Variants in CSMD1 observed in about 807,000 individuals in gnomAD.
CSMD1 encodes the protein CUB and Sushi multiple domains 1.
Under a neutral mutation model 417.5 loss-of-function variants are expected in CSMD1, and 213 were observed. That is an observed-to-expected ratio of 0.51 (90% confidence interval 0.46 to 0.57). The LOEUF is 0.57. Ranked by LOEUF, CSMD1 falls within the 20% of genes least tolerant of loss-of-function variation. CSMD1 has a pLI of 0.00. For synonymous variants in CSMD1, 2,862 were observed against 1,736.8 expected, an observed-to-expected ratio of 1.65 and a Z score of -16.11; for missense variants, 6,923 against 4,529.7, an observed-to-expected ratio of 1.53 and a Z score of -15.17.
chr8:2,979,638 G>T (rs987075795), intron 54 of CSMD1, among the ~76,000 whole-genome samples: 2 of 152,190 alleles, frequency 1.3e-5, no homozygotes, highest in Non-Finnish European at 2.9e-5. Context: ...CACATCATGA[G>T]TCCCAGAAGC....
chr8:2,938,364 T>C lies in CSMD1; in HGVS notation c.*221A>G, dbSNP rs1378912209. ...ATTTCATACAGATGCAGCCAGGCAT[T>C]TAGAACCCACTTTTGGAATGAAAAC... On this transcript the variant is annotated 3_prime_UTR_variant, in exon 70 of 70. Transcript: ENST00000635120. The C allele has an allele frequency of 4.2e-6, 2 of 475,650 alleles. No individual in the cohort carries two copies. Among genetic ancestry groups the C allele is most frequent in the Non-Finnish European group, 7.3e-6 (2 of 272,304 alleles). 29.5% of individuals were successfully genotyped at this position (475,650 alleles called of 1,614,324 possible).
intron 3 of CSMD1, among the ~76,000 whole-genome samples, chr8:4,060,941 C>G (rs1224525901): frequency 6.6e-6 from 1 of 152,158 alleles, no homozygotes; most frequent in South Asian, 2.1e-4. Flanking sequence ...AACATAGAAG[C>G]TTCTCATTGA....
intron 18 of CSMD1, among the ~76,000 whole-genome samples, chr8:3,369,897 G>C (rs181608931): frequency 5.1e-4 from 77 of 152,296 alleles, no homozygotes; most frequent in African/African-American, 6.3e-4. Context: ...TGCCAGCTCA[G>C]CTTCTCACTA....
intron 3 of CSMD1, among the ~76,000 whole-genome samples, chr8:4,091,033 C>G (rs1209527404): frequency 6.6e-6 from 1 of 151,708 alleles, no homozygotes; most frequent in Non-Finnish European, 1.5e-5. Flanking sequence ...ATTCTCCTGT[C>G]TCAGCCTCAC....
chr8:4,083,432 T>G (rs1800247174), intron 3 of CSMD1, among the ~76,000 whole-genome samples: 1 of 152,158 alleles, frequency 6.6e-6, no homozygotes, highest in South Asian at 2.1e-4. Context: ...GCCACCTGAC[T>G]TCAAACTATA....
intron 26 of CSMD1, among the ~76,000 whole-genome samples, chr8:3,232,511 T>C (rs959155760): frequency 6.6e-6 from 1 of 152,232 alleles, no homozygotes; most frequent in African/African-American, 2.4e-5. Flanking sequence ...TGGGTCATTT[T>C]TCTTTTTACC....
intron 3 of CSMD1, among the ~76,000 whole-genome samples, chr8:4,151,867 T>C (rs550643470): frequency 5.3e-5 from 8 of 152,198 alleles, no homozygotes; most frequent in Non-Finnish European, 8.8e-5. Flanking sequence ...ACCTTTTCTA[T>C]TGCAGGCACA....
intron 3 of CSMD1, among the ~76,000 whole-genome samples, chr8:4,136,626 T>C (rs1803452408): frequency 6.6e-6 from 1 of 152,216 alleles, no homozygotes; most frequent in South Asian, 2.1e-4. Context: ...TATATTTCCA[T>C]AAAAATAGTG....
chr8:4,508,974 G>A (rs913733954), intron 2 of CSMD1, among the ~76,000 whole-genome samples: 10 of 152,130 alleles, frequency 6.6e-5, no homozygotes, highest in African/African-American at 2.4e-4. Flanking sequence ...CTTTCCTGCG[G>A]CTGTGACATG....
chr8:4,115,793 G>C (rs540358574), intron 3 of CSMD1, among the ~76,000 whole-genome samples: 43 of 151,796 alleles, frequency 2.8e-4, no homozygotes, highest in Admixed American at 6.6e-4. Context: ...AGTCATGGTG[G>C]AATGTAAATC....
intron 10 of CSMD1, among the ~76,000 whole-genome samples, chr8:3,536,833 G>A (rs9969623): frequency 3.3e-5 from 5 of 152,244 alleles, no homozygotes; most frequent in African/African-American, 9.6e-5. Context: ...TTGGGTGTTC[G>A]GTCCCACGGT....
At chr8:4,127,105 T>C (rs1006755413) in intron 3 of CSMD1, among the ~76,000 whole-genome samples, 2 of 152,058 alleles carry the variant, frequency 1.3e-5, no homozygotes, top group African/African-American at 4.8e-5. Context: ...ATCCTAGTTA[T>C]CTGATTCACC....
intron 5 of CSMD1, among the ~76,000 whole-genome samples, chr8:3,768,863 A>G (rs985228374): frequency 6.6e-6 from 1 of 152,228 alleles, no homozygotes; most frequent in African/African-American, 2.4e-5. Flanking sequence ...CACAGGCTCT[A>G]GGAAATGTCC....
intron 36 of CSMD1, among the ~76,000 whole-genome samples, chr8:3,182,639 T>G (rs1480949154): frequency 1.6e-5 from 1 of 63,838 alleles, no homozygotes; most frequent in South Asian, 4.6e-4. Context: ...TGTGTATTGT[T>G]AGTAGAGAAG....
chr8:3,929,809 A>C (rs1429952606), intron 5 of CSMD1, among the ~76,000 whole-genome samples: 1 of 149,290 alleles, frequency 6.7e-6, no homozygotes, highest in East Asian at 2.0e-4. Context: ...CTACAGGCAC[A>C]TGCCACCATG....
intron 3 of CSMD1, among the ~76,000 whole-genome samples, chr8:4,176,624 C>T (rs200792542): frequency 5.2e-3 from 1 of 192 alleles, no homozygotes; most frequent in Non-Finnish European, 0.056. Context: ...CCATAAAAGA[C>T]ACAGACTGGC....
chr8:3,838,524 C>CTAGGCTATATATAATATAATATAGCCTA (rs1802856959), intron 5 of CSMD1, among the ~76,000 whole-genome samples: 1 of 128,070 alleles, frequency 7.8e-6, no homozygotes, highest in Non-Finnish European at 1.6e-5. Flanking sequence ...ATAATATAGC[C>CTAGGCTATATATAATATAATATAGCCTA]TATATATATA....
intron 5 of CSMD1, among the ~76,000 whole-genome samples, chr8:3,959,390 T>A (rs1027813867): frequency 6.6e-6 from 1 of 152,102 alleles, no homozygotes; most frequent in Non-Finnish European, 1.5e-5. Context: ...TACCAGCTAC[T>A]CAAGAGGCTG....
chr8:3,006,437 G>A (rs1255636593), intron 52 of CSMD1, among the ~76,000 whole-genome samples: 1 of 151,490 alleles, frequency 6.6e-6, no homozygotes, highest in Non-Finnish European at 1.5e-5. Flanking sequence ...AAGTTCATAT[G>A]GAACCAAAAA....
Sources: gnomAD v4.1 joint callset for allele counts (sites outside exome capture counted in the v4.1 genomes callset) on GRCh38, gnomAD v4.1.1 for gene constraint, MANE v1.5 for transcripts, NCBI Gene and HGNC (gene_info 2026-07-23, HGNC 2026-07-21) for gene names.